The following CSMD1 variants were observed in gnomAD, a reference collection of about 807,000 sequenced individuals.
CSMD1 encodes CUB and Sushi multiple domains 1, also known as CUB and sushi domain-containing protein 1.
In CSMD1, 213 loss-of-function variants were observed where a neutral mutation model predicts 417.5. That is an observed-to-expected ratio of 0.51 (90% CI 0.46 to 0.57). The LOEUF (loss-of-function observed/expected upper bound fraction) is 0.57. CSMD1 is among the 20% of genes least tolerant of loss of function. CSMD1 has a pLI of 0.00. For missense variants in CSMD1, 6,923 were observed against 4,529.7 expected, an observed-to-expected ratio of 1.53 and a Z score of -15.17; for synonymous variants, 2,862 against 1,736.8, an observed-to-expected ratio of 1.65 and a Z score of -16.11.
intron 1 of CSMD1, among the ~76,000 whole-genome samples, chr8:4,791,298 C>T (rs1797674831): frequency 6.6e-6 from 1 of 152,170 alleles, no homozygotes. Flanking sequence ...GGGCCTCTTT[C>T]CATACCAGGC....
intron 3 of CSMD1, among the ~76,000 whole-genome samples, chr8:4,104,733 T>G (rs775179811): frequency 6.6e-6 from 1 of 152,272 alleles, no homozygotes; most frequent in Non-Finnish European, 1.5e-5. Flanking sequence ...AGGAACTAGG[T>G]CAGAGCCCGG....
intron 3 of CSMD1, among the ~76,000 whole-genome samples, chr8:4,412,905 C>G (rs756944444): frequency 6.6e-6 from 1 of 152,114 alleles, no homozygotes; most frequent in Non-Finnish European, 1.5e-5. Context: ...AGATAACTGA[C>G]AACAATCAGA....
intron 8 of CSMD1, among the ~76,000 whole-genome samples, chr8:3,611,306 A>G (rs928088918): frequency 2.6e-5 from 4 of 152,108 alleles, no homozygotes; most frequent in East Asian, 1.9e-4. Context: ...TTAATAAATC[A>G]TAACACTTGA....
chr8:4,206,823 G>A (rs548738381), intron 3 of CSMD1, among the ~76,000 whole-genome samples: 2 of 152,244 alleles, frequency 1.3e-5, no homozygotes, highest in South Asian at 2.1e-4. Flanking sequence ...TATGACTTTT[G>A]AGTGATTATT....
intron 7 of CSMD1, among the ~76,000 whole-genome samples, chr8:3,707,518 C>A (rs1265496182): frequency 6.6e-6 from 1 of 152,136 alleles, no homozygotes; most frequent in Non-Finnish European, 1.5e-5. Flanking sequence ...GAAAACGGCC[C>A]CTACAGGAAG....
At chr8:4,904,793 A>C (rs1585299397) in intron 1 of CSMD1, among the ~76,000 whole-genome samples, 1 of 152,134 alleles carries the variant, frequency 6.6e-6, no homozygotes, top group East Asian at 1.9e-4. Flanking sequence ...TATTTTGGAC[A>C]GTTATAATAA....
In CSMD1 at chr8:2,999,949, T is replaced by G. The variant is rs1307457857; in HGVS notation, c.8203+9A>C. ...CATCGATGAATTCGTCCACAAAGAG[T>G]GCACTTACGGACACAGACAGGCGTT... is the stretch of plus-strand genomic sequence containing the variant. On this transcript the variant is annotated intron_variant, in intron 53 of 69. Transcript: ENST00000635120. 3 of 1,604,248 alleles carry G rather than the reference T, an allele frequency of 1.9e-6. No individual in the cohort carries two copies. Among genetic ancestry groups the G allele is most frequent in the African/African-American group, 2.7e-5 (2 of 73,754 alleles).
chr8:4,353,894 A>G (rs1452091756), intron 3 of CSMD1, among the ~76,000 whole-genome samples: 2 of 152,306 alleles, frequency 1.3e-5, no homozygotes, highest in Middle Eastern at 3.4e-3. Flanking sequence ...GGAAAAGAGC[A>G]TGTTCAGCAA....
intron 1 of CSMD1, among the ~76,000 whole-genome samples, chr8:4,965,885 A>G (rs1344799896): frequency 6.6e-6 from 1 of 152,184 alleles, no homozygotes; most frequent in Non-Finnish European, 1.5e-5. Flanking sequence ...ATATATTTAC[A>G]TAAGTAGAGA....
At chr8:4,721,459 G>A (rs766469336) in intron 1 of CSMD1, among the ~76,000 whole-genome samples, 2 of 152,054 alleles carry the variant, frequency 1.3e-5, no homozygotes, top group Non-Finnish European at 2.9e-5. Flanking sequence ...AACTATTCTG[G>A]AAGATGCTCA....
intron 25 of CSMD1, among the ~76,000 whole-genome samples, chr8:3,292,192 C>G (rs888331303): frequency 6.6e-6 from 1 of 152,150 alleles, no homozygotes; most frequent in East Asian, 1.9e-4. Context: ...GTCTGAGAGA[C>G]AGTTTGTTGT....
chr8:4,528,682 C>G (rs887434093), intron 2 of CSMD1, among the ~76,000 whole-genome samples: 1 of 152,148 alleles, frequency 6.6e-6, no homozygotes, highest in Non-Finnish European at 1.5e-5. Context: ...ACCCCACAAA[C>G]TCTCCAATGT....
chr8:4,221,636 A>G (rs1468944420), intron 3 of CSMD1, among the ~76,000 whole-genome samples: 1 of 152,210 alleles, frequency 6.6e-6, no homozygotes. Flanking sequence ...ACAATTTCAC[A>G]TCCCCTGACA....
At chr8:4,630,957 G>C (rs1337826355) in intron 2 of CSMD1, among the ~76,000 whole-genome samples, 1 of 152,180 alleles carries the variant, frequency 6.6e-6, no homozygotes, top group Non-Finnish European at 1.5e-5. Flanking sequence ...TCAATAAGAA[G>C]TCAAAACATG....
At chr8:3,677,773 T>C (rs910269529) in intron 7 of CSMD1, among the ~76,000 whole-genome samples, 1 of 152,184 alleles carries the variant, frequency 6.6e-6, no homozygotes, top group Non-Finnish European at 1.5e-5. Context: ...AAAACTTCTA[T>C]CCAGAGTATA....
At chr8:3,098,275 ATTAG>A (rs951479511) in intron 46 of CSMD1, among the ~76,000 whole-genome samples, 102 of 152,344 alleles carry the variant, frequency 6.7e-4, no homozygotes, top group Middle Eastern at 3.4e-3. Context: ...TCGCCTTTTA[ATTAG>A]TTAAATGTGT....
At chr8:4,341,876 C>T (rs368097568) in intron 3 of CSMD1, among the ~76,000 whole-genome samples, 7 of 152,058 alleles carry the variant, frequency 4.6e-5, no homozygotes, top group African/African-American at 1.4e-4. Flanking sequence ...TGATGTTAAC[C>T]TTCCACACCA....
chr8:4,212,078 G>C (rs1311966516), intron 3 of CSMD1, among the ~76,000 whole-genome samples: 1 of 151,812 alleles, frequency 6.6e-6, no homozygotes, highest in Admixed American at 6.6e-5. Flanking sequence ...GAAAGAATAT[G>C]CCTTGTCAAC....
At chr8:3,542,643 C>G (rs1451429996) in intron 10 of CSMD1, among the ~76,000 whole-genome samples, 1 of 152,172 alleles carries the variant, frequency 6.6e-6, no homozygotes, top group Non-Finnish European at 1.5e-5. Flanking sequence ...TAGGAGGTAA[C>G]ACAGGACAGT....
Sources: gnomAD v4.1 joint callset for allele counts (sites outside exome capture counted in the v4.1 genomes callset) on GRCh38, gnomAD v4.1.1 for gene constraint, MANE v1.5 for transcripts, NCBI Gene and HGNC (gene_info 2026-07-23, HGNC 2026-07-21) for gene names.